The following XKR6 variants were observed in gnomAD, a reference collection of about 807,000 sequenced individuals.
XKR6 encodes the protein XK related 6, also known as XK-related protein 6.
In XKR6, 22 loss-of-function variants were observed where a neutral mutation model predicts 56.7. The observed-to-expected ratio is 0.39, with a 90% CI of 0.28 to 0.55. The LOEUF (loss-of-function observed/expected upper bound fraction) is 0.55, where lower values mean the gene tolerates loss of function less well. XKR6 is among the 20% of genes least tolerant of loss of function. The pLI, the probability that XKR6 is intolerant of heterozygous loss-of-function variation, is 0.66. For missense variants in XKR6, 852 were observed against 889.0 expected, an observed-to-expected ratio of 0.96 and a Z score of 0.53; for synonymous variants, 524 against 387.8, an observed-to-expected ratio of 1.35 and a Z score of -4.13.
At chr8:11,106,278 C>T (rs1376060110) in intron 1 of XKR6, 1 of 151,616 alleles carries the variant, frequency 6.6e-6, no homozygotes, top group Non-Finnish European at 1.5e-5. Flanking sequence ...GACGTGACCA[C>T]CTTCCCTGCA....
chr8:11,154,776 C>A (rs79251229), intron 1 of XKR6, among the ~76,000 whole-genome samples: 3 of 152,190 alleles, frequency 2.0e-5, no homozygotes, highest in Non-Finnish European at 2.9e-5. Context: ...TAAACAGGGT[C>A]TACCCTTCAA....
At chr8:11,010,861 C>T (rs1161785280) in intron 1 of XKR6, among the ~76,000 whole-genome samples, 3 of 151,902 alleles carry the variant, frequency 2.0e-5, no homozygotes, top group African/African-American at 4.8e-5. Context: ...CCACCACAGT[C>T]GTGGTATGAG....
chr8:11,036,985 G>C (rs780479633), intron 1 of XKR6, among the ~76,000 whole-genome samples: 11 of 152,086 alleles, frequency 7.2e-5, no homozygotes, highest in African/African-American at 2.4e-4. Flanking sequence ...CCCTAGATCG[G>C]GTATGAAAGC....
chr8:11,018,689 A>G (rs1224147802), intron 1 of XKR6, among the ~76,000 whole-genome samples: 3 of 152,250 alleles, frequency 2.0e-5, no homozygotes, highest in Non-Finnish European at 2.9e-5. Flanking sequence ...AAAGTTTTAC[A>G]CACACACATG....
intron 1 of XKR6, among the ~76,000 whole-genome samples, chr8:11,190,061 G>A (rs964623351): frequency 6.6e-6 from 1 of 152,052 alleles, no homozygotes; most frequent in Admixed American, 6.5e-5. Context: ...GGAGGCTGAG[G>A]CAGAAGAATC....
At chr8:10,913,192 A>G (rs1800460565) in intron 2 of XKR6, among the ~76,000 whole-genome samples, 1 of 151,768 alleles carries the variant, frequency 6.6e-6, no homozygotes, top group Non-Finnish European at 1.5e-5. Context: ...TTTATACTCA[A>G]TATATATTTG....
intron 1 of XKR6, among the ~76,000 whole-genome samples, chr8:11,053,505 C>T (rs529371000): frequency 1.6e-4 from 24 of 152,214 alleles, no homozygotes; most frequent in Non-Finnish European, 1.9e-4. Flanking sequence ...TGATTCATGG[C>T]AGGAGGATGG....
intron 1 of XKR6, among the ~76,000 whole-genome samples, chr8:11,047,082 A>G (rs983095633): frequency 2.6e-5 from 4 of 152,206 alleles, no homozygotes; most frequent in Non-Finnish European, 5.9e-5. Flanking sequence ...AACGCACAGC[A>G]TGGTGACTAT....
chr8:11,112,156 T>G (rs181540624), intron 1 of XKR6, among the ~76,000 whole-genome samples: 1 of 152,340 alleles, frequency 6.6e-6, no homozygotes, highest in South Asian at 2.1e-4. Context: ...TCCACATTCA[T>G]AATTTGAGCC....
chr8:10,946,209 G>C (rs1280020277), intron 1 of XKR6, among the ~76,000 whole-genome samples: 1 of 151,990 alleles, frequency 6.6e-6, no homozygotes, highest in Non-Finnish European at 1.5e-5. Flanking sequence ...GTTGCCCATG[G>C]GGAATGGGGG....
intron 1 of XKR6, among the ~76,000 whole-genome samples, chr8:11,191,049 C>A (rs1341731910): frequency 6.6e-6 from 1 of 152,212 alleles, no homozygotes; most frequent in Non-Finnish European, 1.5e-5. Context: ...TCCTCTCCAA[C>A]AACTAAACTA....
intron 1 of XKR6, among the ~76,000 whole-genome samples, chr8:11,068,563 T>G (rs1404919264): frequency 6.6e-6 from 1 of 152,212 alleles, no homozygotes; most frequent in Non-Finnish European, 1.5e-5. Context: ...CTGTCTCTTC[T>G]GCAGAAAGCT....
At chr8:11,051,511 G>C (rs765525456) in intron 1 of XKR6, among the ~76,000 whole-genome samples, 1 of 152,162 alleles carries the variant, frequency 6.6e-6, no homozygotes, top group Non-Finnish European at 1.5e-5. Flanking sequence ...CCCCAGCGGA[G>C]TAAAGGACAC....
chr8:10,917,611 C>A (rs1393100182), intron 2 of XKR6, among the ~76,000 whole-genome samples: 2 of 152,166 alleles, frequency 1.3e-5, no homozygotes, highest in Non-Finnish European at 2.9e-5. Flanking sequence ...CAGTCTTGCC[C>A]CCTGCTGAGT....
chr8:10,912,254 G>GTA (rs1208054435), intron 2 of XKR6, among the ~76,000 whole-genome samples: 2 of 137,148 alleles, frequency 1.5e-5, no homozygotes, highest in East Asian at 2.3e-4. Flanking sequence ...GGGTGTGTGT[G>GTA]TATATATATA....
At chr8:11,033,391 A>G (rs1295804407) in intron 1 of XKR6, among the ~76,000 whole-genome samples, 2 of 148,876 alleles carry the variant, frequency 1.3e-5, no homozygotes, top group East Asian at 3.9e-4. Flanking sequence ...GGTGATGATG[A>G]TGATGACGAT....
chr8:11,030,252 T>G (rs936904325), intron 1 of XKR6, among the ~76,000 whole-genome samples: 8 of 152,170 alleles, frequency 5.3e-5, no homozygotes, highest in African/African-American at 1.9e-4. Context: ...CTCCTTCCCT[T>G]TCCATCTGGG....
intron 1 of XKR6, among the ~76,000 whole-genome samples, chr8:11,008,685 G>A (rs1242237746): frequency 1.3e-5 from 2 of 152,078 alleles, no homozygotes; most frequent in African/African-American, 4.8e-5. Flanking sequence ...AAAGTGCTGG[G>A]ATTACAGGTG....
At chr8:11,115,391 A>T (rs919270511) in intron 1 of XKR6, among the ~76,000 whole-genome samples, 12 of 152,234 alleles carry the variant, frequency 7.9e-5, no homozygotes, top group Non-Finnish European at 1.8e-4. Context: ...CATTCAACTG[A>T]AGCCATAATT....
Sources: gnomAD v4.1 joint callset for allele counts (sites outside exome capture counted in the v4.1 genomes callset) on GRCh38, gnomAD v4.1.1 for gene constraint, MANE v1.5 for transcripts, NCBI Gene and HGNC (gene_info 2026-07-23, HGNC 2026-07-21) for gene names.